The following GRID2 variants were observed in gnomAD, a reference collection of about 807,000 sequenced individuals.
The protein encoded by GRID2 is glutamate receptor ionotropic, delta-2.
In GRID2, 33 loss-of-function variants were observed where a neutral mutation model predicts 114.8. That is an observed-to-expected ratio of 0.29 (90% CI 0.22 to 0.38). The LOEUF (loss-of-function observed/expected upper bound fraction) is 0.38, where lower values mean the gene tolerates loss of function less well. GRID2 is among the 10% of genes least tolerant of loss of function. The pLI, the probability that GRID2 is intolerant of heterozygous loss-of-function variation, is 1.00. For synonymous variants in GRID2, 505 were observed against 449.9 expected (o/e 1.12, Z -1.55); for missense variants, 1,184 against 1,257.7 (o/e 0.94, Z 0.89).
chr4:93,741,174 CATAT>C (rs376106965), intron 14 of GRID2, among the ~76,000 whole-genome samples: 25 of 41,230 alleles, frequency 6.1e-4, no homozygotes, highest in African/African-American at 1.4e-3. Flanking sequence ...TATATATATA[CATAT>C]ATATATATAT....
chr4:93,389,644 T>A (rs1764651385), intron 8 of GRID2, among the ~76,000 whole-genome samples: 1 of 152,156 alleles, frequency 6.6e-6, no homozygotes, highest in African/African-American at 2.4e-5. Flanking sequence ...TCATATCATA[T>A]TTATTATAAA....
In GRID2 at chr4:92,621,895, A is replaced by G. The variant is rs12331615; in HGVS notation, c.244+31609A>G. ...CATGAAACACACAGAAATTTTCTGA[A>G]GAAAGAGAAAAAATTCGAAGAGAGA... On this transcript the variant is annotated intron_variant, in intron 2 of 15. Coordinates refer to ENST00000282020, the MANE Select transcript of GRID2 (RefSeq NM_001510.4). Among the ~76,000 whole-genome samples the G allele has an allele frequency of 3.6e-3, 549 of 152,004 alleles. 3 individuals carry two copies. The highest frequency in any genetic ancestry group is 6.3e-3 in the Non-Finnish European group (431 of 67,908).
At chr4:92,798,116 T>G (rs548852493) in intron 2 of GRID2, among the ~76,000 whole-genome samples, 57 of 152,124 alleles carry the variant, frequency 3.7e-4, no homozygotes, top group Non-Finnish European at 6.2e-4. Flanking sequence ...AATATTTTCA[T>G]TCAGTAAAAC....
At chr4:92,583,394 C>A (rs970154143) in intron 1 of GRID2, among the ~76,000 whole-genome samples, 35 of 152,092 alleles carry the variant, frequency 2.3e-4, no homozygotes, top group African/African-American at 6.7e-4. Flanking sequence ...TCCTTTCCAA[C>A]AATTAGAGTC....
At chr4:93,189,990 C>T (rs577723469) in intron 4 of GRID2, among the ~76,000 whole-genome samples, 1 of 152,148 alleles carries the variant, frequency 6.6e-6, no homozygotes, top group Non-Finnish European at 1.5e-5. Flanking sequence ...ATTTCTGTTG[C>T]CCTCTTTGGA....
At chr4:92,938,465 T>A (rs572954182) in intron 2 of GRID2, among the ~76,000 whole-genome samples, 13 of 146,964 alleles carry the variant, frequency 8.8e-5, no homozygotes, top group African/African-American at 3.1e-4. Context: ...GCCTACTACT[T>A]CTATTTCTAA....
intron 1 of GRID2, among the ~76,000 whole-genome samples, chr4:92,528,919 G>A (rs903861104): frequency 1.7e-4 from 26 of 151,936 alleles, no homozygotes; most frequent in Admixed American, 1.6e-3. Flanking sequence ...ATGTGTGTGG[G>A]ACTGGTAAAA....
intron 2 of GRID2, among the ~76,000 whole-genome samples, chr4:92,763,568 G>A (rs1738123051): frequency 6.6e-6 from 1 of 152,214 alleles, no homozygotes. Flanking sequence ...ACAGCCATAT[G>A]TGCATAGGTT....
rs201480396 is a variant in GRID2, at chr4:92,658,793, G to GTATA, written c.244+68530_244+68533dup. 3.0e-4 allele frequency among the ~76,000 whole-genome samples: 40 copies of GTATA among 132,386 alleles called. 2 individuals carry two copies. The highest frequency in any genetic ancestry group is 5.1e-4 in the South Asian group (2 of 3,888). 86.9% of individuals were successfully genotyped at this position (132,386 alleles called of 152,430 possible). On this transcript the variant is annotated intron_variant, in intron 2 of 15. Coordinates refer to ENST00000282020, the MANE Select transcript of GRID2 (RefSeq NM_001510.4). ...TGTTTGCATGTATGTGTGTGTGTGT[G>GTATA]TATATATATATATATATATATATAT...
At chr4:92,504,088 A>G (rs941575828) in intron 1 of GRID2, among the ~76,000 whole-genome samples, 20 of 152,180 alleles carry the variant, frequency 1.3e-4, no homozygotes, top group Non-Finnish European at 2.4e-4. Context: ...ATGACTTCAT[A>G]GAAAAGAAAA....
At chr4:93,220,907 G>C (rs1410868890) in intron 6 of GRID2, among the ~76,000 whole-genome samples, 3 of 152,178 alleles carry the variant, frequency 2.0e-5, no homozygotes, top group Non-Finnish European at 4.4e-5. Context: ...AGCTAGAAGA[G>C]AAAGCTTATG....
intron 8 of GRID2, among the ~76,000 whole-genome samples, chr4:93,356,399 T>C (rs1161897908): frequency 6.6e-6 from 1 of 150,964 alleles, no homozygotes; most frequent in South Asian, 2.1e-4. Flanking sequence ...TATTTTTTTC[T>C]CAAAGAATAA....
intron 1 of GRID2, among the ~76,000 whole-genome samples, chr4:92,557,423 A>T (rs1249632453): frequency 1.3e-5 from 2 of 151,446 alleles, no homozygotes; most frequent in African/African-American, 4.8e-5. Flanking sequence ...TATTAAAGAC[A>T]TGGAAAATTA....
At chr4:93,073,934 C>T (rs1366263842) in intron 2 of GRID2, among the ~76,000 whole-genome samples, 1 of 152,196 alleles carries the variant, frequency 6.6e-6, no homozygotes, top group African/African-American at 2.4e-5. Context: ...TCCGCGATAA[C>T]CTTGTGCAAA....
At chr4:92,845,750 T>C (rs924753774) in intron 2 of GRID2, among the ~76,000 whole-genome samples, 3 of 152,098 alleles carry the variant, frequency 2.0e-5, no homozygotes, top group African/African-American at 7.2e-5. Flanking sequence ...TAGACCTCTT[T>C]ATATTCTTCC....
chr4:93,511,916 G>A (rs1451477943), intron 12 of GRID2, among the ~76,000 whole-genome samples: 1 of 151,596 alleles, frequency 6.6e-6, no homozygotes, highest in African/African-American at 2.4e-5. Flanking sequence ...TGAGTATCTG[G>A]GATTACAGGT....
intron 2 of GRID2, among the ~76,000 whole-genome samples, chr4:93,056,001 T>C (rs1006109088): frequency 3.3e-5 from 5 of 151,872 alleles, no homozygotes; most frequent in African/African-American, 1.2e-4. Flanking sequence ...TTCTGAATTC[T>C]TTGCTGCCTT....
intron 14 of GRID2, among the ~76,000 whole-genome samples, chr4:93,742,435 C>T (rs1427937328): frequency 2.0e-5 from 3 of 152,104 alleles, no homozygotes; most frequent in South Asian, 2.1e-4. Flanking sequence ...TAGATGTGCT[C>T]GGTTATTGTA....
intron 1 of GRID2, among the ~76,000 whole-genome samples, chr4:92,484,295 C>T (rs1722760584): frequency 6.6e-6 from 1 of 152,108 alleles, no homozygotes; most frequent in South Asian, 2.1e-4. Flanking sequence ...CTCATCCAAG[C>T]TGCATAATGA....
Sources: gnomAD v4.1 joint callset for allele counts (sites outside exome capture counted in the v4.1 genomes callset) on GRCh38, gnomAD v4.1.1 for gene constraint, MANE v1.5 for transcripts, NCBI Gene and HGNC (gene_info 2026-07-23, HGNC 2026-07-21) for gene names.